VSTM2L: variants seen among roughly 807,000 people sequenced by gnomAD.
VSTM2L encodes V-set and transmembrane domain-containing protein 2-like protein.
VSTM2L carries 9 observed loss-of-function variants against 19.9 expected under a neutral mutation model. The ratio of observed to expected loss-of-function variants is 0.45; its 90% CI spans 0.27 to 0.79. VSTM2L has a LOEUF of 0.79. Among genes scored for constraint, VSTM2L ranks in the 30% least tolerant of loss-of-function variants. VSTM2L has a pLI of 0.15. For synonymous variants in VSTM2L, 127 were observed against 133.8 expected (o/e 0.95, Z 0.35); for missense variants, 286 against 295.5 (o/e 0.97, Z 0.24).
At chr20:37,916,246 T>C (rs887127573) in intron 1 of VSTM2L, among the ~76,000 whole-genome samples, 2 of 152,152 alleles carry the variant, frequency 1.3e-5, no homozygotes, top group African/African-American at 4.8e-5. Flanking sequence ...TGAAAATAAA[T>C]GGTATCGGTA....
At chr20:37,925,822 C>G (rs1159566606) in intron 1 of VSTM2L, among the ~76,000 whole-genome samples, 1 of 152,156 alleles carries the variant, frequency 6.6e-6, no homozygotes, top group East Asian at 1.9e-4. Context: ...CCCATGAGGC[C>G]TTGAACCTGC....
intron 1 of VSTM2L, among the ~76,000 whole-genome samples, chr20:37,931,143 A>G (rs1308074187): frequency 6.6e-6 from 1 of 152,164 alleles, no homozygotes; most frequent in Non-Finnish European, 1.5e-5. Context: ...CTGGGGTCCC[A>G]GGGGAGGGTT....
chr20:37,928,382 C>T (rs2072890099), intron 1 of VSTM2L, among the ~76,000 whole-genome samples: 1 of 152,202 alleles, frequency 6.6e-6, no homozygotes, highest in Non-Finnish European at 1.5e-5. Context: ...CTGCCCAGGA[C>T]TCTCAGGCAG....
At chr20:37,933,518 G>A (rs1450245452) in intron 2 of VSTM2L, 21 bp from the exon 3 acceptor site, 25 of 1,416,310 alleles carry the variant, frequency 1.8e-5, no homozygotes, top group South Asian at 3.7e-5. Flanking sequence ...TGCTCTCTCC[G>A]CCCCTCCCCG....
chr20:37,938,518 C>T (rs1305369353), intron 3 of VSTM2L, among the ~76,000 whole-genome samples: 1 of 152,224 alleles, frequency 6.6e-6, no homozygotes, highest in Non-Finnish European at 1.5e-5. Context: ...CAAATCCATT[C>T]TTCTGGCGTG....
chr20:37,910,300 T>C (rs2072772688), intron 1 of VSTM2L, among the ~76,000 whole-genome samples: 1 of 152,178 alleles, frequency 6.6e-6, no homozygotes, highest in Non-Finnish European at 1.5e-5. Flanking sequence ...GCGCAGGCGG[T>C]GCGTGGGCAT....
intron 3 of VSTM2L, among the ~76,000 whole-genome samples, chr20:37,937,010 C>T (rs2072944732): frequency 6.6e-6 from 1 of 152,082 alleles, no homozygotes; most frequent in East Asian, 1.9e-4. Context: ...CATCCGAGGT[C>T]AGGAGTTCGT....
Position 37,903,247 on chromosome 20 carries a change from A to G in VSTM2L, c.-104A>G, listed in dbSNP as rs553495564. 1.9e-3 allele frequency: 2,294 copies of G among 1,223,724 alleles called. 3 individuals carry two copies. Among genetic ancestry groups the G allele is most frequent in the Non-Finnish European group, 1.9e-3 (1,875 of 977,210 alleles). The allele number at this position is 1,223,724 out of a possible 1,614,324, so 75.8% of individuals were successfully genotyped here. On this transcript the variant is annotated 5_prime_UTR_variant, in exon 1 of 4. Transcript: ENST00000373461. ...ACAGCGGGCGAGGGGCAGCTGCCGG[A>G]GCCGGGCAGCCAGGCCGCTCAGGGC...
At position 37,918,338 on chromosome 20, in the gene VSTM2L, G is replaced by A. The variant is rs557652782; in HGVS notation, c.122-13297G>A. ...GTGTCCACACTTGAGCAGGACCTGCGTCCCAAGCCCCTTGTGATTAAGAAG... is the reference window on the plus strand; with the variant it reads ...GTGTCCACACTTGAGCAGGACCTGCATCCCAAGCCCCTTGTGATTAAGAAG... On this transcript the variant is annotated intron_variant, in intron 1 of 3. Coordinates refer to ENST00000373461, the MANE Select transcript of VSTM2L (RefSeq NM_080607.3). 1.1e-3 allele frequency among the ~76,000 whole-genome samples: 162 copies of A among 152,314 alleles called. 1 individual carries two copies. The highest frequency in any genetic ancestry group is 3.4e-3 in the African/African-American group (142 of 41,574).
chr20:37,941,879 T>G (rs767173093), intron 3 of VSTM2L, among the ~76,000 whole-genome samples: 6 of 146,018 alleles, frequency 4.1e-5, no homozygotes, highest in Non-Finnish European at 6.0e-5. Flanking sequence ...ACCACCCCTC[T>G]CCATAGGCCC....
chr20:37,923,411 C>T (rs530773903), intron 1 of VSTM2L, among the ~76,000 whole-genome samples: 8 of 152,302 alleles, frequency 5.3e-5, no homozygotes, highest in African/African-American at 1.9e-4. Flanking sequence ...ATTAATACAT[C>T]GCACCCCCAA....
intron 1 of VSTM2L, among the ~76,000 whole-genome samples, chr20:37,909,645 A>G (rs1283022922): frequency 6.6e-6 from 1 of 152,242 alleles, no homozygotes; most frequent in Non-Finnish European, 1.5e-5. Flanking sequence ...TGCTGAGCAG[A>G]GCAAGGACAT....
chr20:37,931,474 T>C (rs2072908400), intron 1 of VSTM2L, among the ~76,000 whole-genome samples, 161 bp from the exon 2 acceptor site: 1 of 152,152 alleles, frequency 6.6e-6, no homozygotes, highest in Non-Finnish European at 1.5e-5. Context: ...GGTGCCCAGC[T>C]GAAGCCAGAC....
intron 1 of VSTM2L, among the ~76,000 whole-genome samples, chr20:37,911,823 G>A (rs1043552369): frequency 6.6e-6 from 1 of 152,192 alleles, no homozygotes; most frequent in South Asian, 2.1e-4. Context: ...CTCCAAGCCT[G>A]TAGAATTCTT....
rs2072990156 is a variant in VSTM2L, at chr20:37,943,966, C to T, written c.343-15C>T. ...TCACTGGATGGACAGGTCACGGTCT[C>T]TCTGTCACCCCCAGGTGGTCAAGGT... On this transcript the variant is annotated splice_polypyrimidine_tract_variant and intron_variant, in intron 3 of 3. Coordinates refer to ENST00000373461, the MANE Select transcript of VSTM2L (RefSeq NM_080607.3). The T allele has an allele frequency of 8.0e-7, 1 of 1,257,732 alleles. No homozygotes were observed. The highest frequency in any genetic ancestry group is 1.0e-6 in the Non-Finnish European group (1 of 960,372). The allele number at this position is 1,257,732 out of a possible 1,614,324, so 77.9% of individuals were successfully genotyped here. A position where few individuals can be genotyped will look rare whatever the true frequency, so the allele number is the denominator to read the frequency against.
Position 37,929,031 on chromosome 20 carries a change from T to C in VSTM2L, c.122-2604T>C, listed in dbSNP as rs370495691. Among the ~76,000 whole-genome samples the C allele has an allele frequency of 7.4e-4, 113 of 152,322 alleles. 1 individual carries two copies. Among genetic ancestry groups the C allele is most frequent in the African/African-American group, 2.7e-3 (112 of 41,566 alleles). The stretch of plus-strand genomic sequence containing the variant: ...GCTCAGTTACAGGACACCCTCCTCA[T>C]GGCAGAAAGTCCTGTTGGCCAGTGC... On this transcript the variant is annotated intron_variant, in intron 1 of 3. Transcript: ENST00000373461.
At chr20:37,927,722 C>G (rs1046184893) in intron 1 of VSTM2L, among the ~76,000 whole-genome samples, 5 of 152,278 alleles carry the variant, frequency 3.3e-5, no homozygotes, top group African/African-American at 9.6e-5. Flanking sequence ...GGGCCGTGGG[C>G]AGGAGGAGAC....
intron 2 of VSTM2L, among the ~76,000 whole-genome samples, chr20:37,933,143 A>T (rs1005134474): frequency 6.6e-6 from 1 of 152,192 alleles, no homozygotes; most frequent in African/African-American, 2.4e-5. Flanking sequence ...AGACGTTCAC[A>T]TGGGTGACAC....
rs746897373 is a variant in VSTM2L at position 37,944,002 on chromosome 20, A to G, written c.364A>G (p.Asn122Asp). 14 of 1,549,754 alleles carry G rather than the reference A, an allele frequency of 9.0e-6. No homozygotes were observed. The highest frequency in any genetic ancestry group is 1.2e-5 in the Non-Finnish European group (14 of 1,138,070). ...KISVVKVVGS[N>D]ISHKLRLSRV... The stretch of plus-strand genomic sequence containing the variant: ...CCAGGTGGTCAAGGTGGTGGGCAGC[A>G]ACATCTCCCACAAGCTGCGCCTGTC... The change falls in exon 4 of 4, where the codon AAC becomes GAC. Residue 122 changes from asparagine (N) to aspartate (D), a missense_variant. Asn to Asp is a conservative substitution (Grantham distance 23, BLOSUM62 1). Coordinates refer to ENST00000373461, the MANE Select transcript of VSTM2L (RefSeq NM_080607.3).
Sources: gnomAD v4.1 joint callset for allele counts (sites outside exome capture counted in the v4.1 genomes callset) on GRCh38, gnomAD v4.1.1 for gene constraint, MANE v1.5 for transcripts, NCBI Gene and HGNC (gene_info 2026-07-23, HGNC 2026-07-21) for gene names.